TMEM156: variants seen among roughly 807,000 people sequenced by gnomAD.
TMEM156 encodes the protein transmembrane protein 156.
A neutral mutation model predicts 30.5 loss-of-function variants in TMEM156; 28 were observed. The observed-to-expected ratio is 0.92, with a 90% CI of 0.68 to 1.26. The LOEUF is 1.26. Ranked by LOEUF, TMEM156 falls within the 50% of genes most tolerant of loss-of-function variation. The pLI, the probability that TMEM156 is intolerant of heterozygous loss-of-function variation, is 0.00. For missense variants in TMEM156, 351 were observed against 340.6 expected (o/e 1.03, Z -0.24); for synonymous variants, 137 against 119.9 (o/e 1.14, Z -0.93).
rs571024191 is a variant in TMEM156 at position 39,005,956 on chromosome 4, T to C, written c.89-7047A>G. On this transcript the variant is annotated intron_variant, in intron 1 of 6. Coordinates refer to ENST00000381938, the MANE Select transcript of TMEM156 (RefSeq NM_024943.3). ...CTGTTGCCAGGCTGGAGTGCAGTGGTACGATCTCGGCTCACTGCAACCTCT... is the reference window on the plus strand; with the variant it reads ...CTGTTGCCAGGCTGGAGTGCAGTGGCACGATCTCGGCTCACTGCAACCTCT... Among the ~76,000 whole-genome samples, 128 of 152,110 alleles carry C rather than the reference T, an allele frequency of 8.4e-4. 4 individuals carry two copies. The highest frequency in any genetic ancestry group is 3.0e-3 in the African/African-American group (125 of 41,486).
intron 5 of TMEM156, among the ~76,000 whole-genome samples, chr4:38,983,607 C>T (rs1711742304): frequency 6.6e-6 from 1 of 152,034 alleles, no homozygotes; most frequent in Non-Finnish European, 1.5e-5. Context: ...ACTATATTGC[C>T]CAGGCTGGTC....
intron 4 of TMEM156, among the ~76,000 whole-genome samples, chr4:38,986,917 T>TGAAGAATA (rs1712047341): frequency 6.8e-6 from 1 of 146,662 alleles, no homozygotes; most frequent in African/African-American, 2.5e-5. Context: ...AGATATGATG[T>TGAAGAATA]GAAGAATATT....
chr4:38,970,095 A>G (rs557866595), intron 6 of TMEM156, among the ~76,000 whole-genome samples: 1 of 151,990 alleles, frequency 6.6e-6, no homozygotes, highest in South Asian at 2.1e-4. Context: ...CCCTTGACCA[A>G]ATGTCACAGC....
chr4:39,013,590 G>A (rs1331132874), intron 1 of TMEM156, among the ~76,000 whole-genome samples: 1 of 151,550 alleles, frequency 6.6e-6, no homozygotes, highest in Non-Finnish European at 1.5e-5. Flanking sequence ...TAATAGAGAC[G>A]GGGGTTTCAC....
At chr4:39,015,707 C>T (rs1198303058) in intron 1 of TMEM156, among the ~76,000 whole-genome samples, 3 of 152,142 alleles carry the variant, frequency 2.0e-5, no homozygotes, top group Admixed American at 1.3e-4. Context: ...GGCTGTGTCC[C>T]CACCCAAATC....
chr4:38,983,303 C>T (rs1711720074), intron 5 of TMEM156, among the ~76,000 whole-genome samples: 1 of 152,174 alleles, frequency 6.6e-6, no homozygotes, highest in Non-Finnish European at 1.5e-5. Flanking sequence ...TCATTTGCAT[C>T]CAACGATTCA....
intron 1 of TMEM156, among the ~76,000 whole-genome samples, chr4:39,022,999 C>T (rs550859139): frequency 1.2e-4 from 19 of 152,228 alleles, no homozygotes; most frequent in Non-Finnish European, 2.2e-4. Flanking sequence ...ATGGACTAAC[C>T]GTTTGTGTAC....
intron 1 of TMEM156, among the ~76,000 whole-genome samples, chr4:39,021,771 G>A (rs1188376549): frequency 6.6e-6 from 1 of 152,132 alleles, no homozygotes; most frequent in African/African-American, 2.4e-5. Context: ...TACAGTTTAG[G>A]TCTTCAAGTC....
chr4:38,991,751 C>T (rs1393022150), intron 3 of TMEM156, among the ~76,000 whole-genome samples: 2 of 151,932 alleles, frequency 1.3e-5, no homozygotes, highest in South Asian at 2.1e-4. Flanking sequence ...ATATAAAATA[C>T]AGTTAGGTGG....
At chr4:38,989,552 G>A (rs1420883894) in intron 3 of TMEM156, among the ~76,000 whole-genome samples, 1 of 152,204 alleles carries the variant, frequency 6.6e-6, no homozygotes, top group African/African-American at 2.4e-5. Context: ...CTAATTAAAC[G>A]TAGTTGCCCT....
chr4:39,011,932 A>T (rs1339614646), intron 1 of TMEM156, among the ~76,000 whole-genome samples: 2 of 152,148 alleles, frequency 1.3e-5, no homozygotes, highest in East Asian at 3.8e-4. Context: ...AACAAATACC[A>T]CATGTTCTCA....
rs1208893453 is a variant in TMEM156, at chr4:38,988,868, C to A, written c.722G>T (p.Arg241Ile). ...TIRKILEGQR[R>I]VQKWQSHRDK... ...ATACTTACTCTGCCACTTTTGCACTCTTCTCTGGCCTTCAAGTATTTTGCG... is the reference window on the plus strand; with the variant it reads ...ATACTTACTCTGCCACTTTTGCACTATTCTCTGGCCTTCAAGTATTTTGCG... The change falls in exon 4 of 7, where the codon AGA becomes ATA. Residue 241 changes from arginine (R) to isoleucine (I), a missense_variant. Arg to Ile is a moderately conservative substitution (Grantham distance 97). Transcript: ENST00000381938. The A allele has an allele frequency of 6.2e-7, 1 of 1,613,936 alleles. No individual in the cohort carries two copies. The highest frequency in any genetic ancestry group is 8.5e-7 in the Non-Finnish European group (1 of 1,179,980).
At chr4:39,004,252 C>T (rs996770140) in intron 1 of TMEM156, among the ~76,000 whole-genome samples, 1 of 152,068 alleles carries the variant, frequency 6.6e-6, no homozygotes, top group Non-Finnish European at 1.5e-5. Flanking sequence ...AGAGGAAGTA[C>T]ATAGAATACT....
At chr4:39,021,996 G>A (rs755997540) in intron 1 of TMEM156, among the ~76,000 whole-genome samples, 108 of 152,172 alleles carry the variant, frequency 7.1e-4, no homozygotes, top group Admixed American at 1.6e-3. Flanking sequence ...GAGTCTTCAC[G>A]TGTTTTATCA....
At chr4:38,968,615 G>T (rs1722454212) in intron 6 of TMEM156, among the ~76,000 whole-genome samples, 1 of 152,134 alleles carries the variant, frequency 6.6e-6, no homozygotes, top group Admixed American at 6.6e-5. Context: ...AGAATGAGAG[G>T]TCTCGAGCAT....
chr4:38,988,935 A>C lies in TMEM156; in HGVS notation c.655T>G (p.Leu219Val). The C allele has an allele frequency of 6.2e-7, 1 of 1,612,672 alleles. No individual in the cohort carries two copies. Among genetic ancestry groups the C allele is most frequent in the Non-Finnish European group, 8.5e-7 (1 of 1,178,822 alleles). Reference sequence around the variant, plus strand: ...AAAAATATAAAAACTAATAGAACTAAAATATACCAAGTGATCTTCATGGAA... The same window carrying C: ...AAAAATATAAAAACTAATAGAACTACAATATACCAAGTGATCTTCATGGAA... ...TCSMKITWYI[L>V]VLLVFIFLII... Residue 219 changes from leucine (L) to valine (V), a missense_variant, in exon 4 of 7, where the codon TTA (leucine) becomes GTA (valine). By Grantham distance (32) the Leu-to-Val change is conservative (BLOSUM62 1). Transcript: ENST00000381938.
In TMEM156 at chr4:38,998,669, T is replaced by C. The variant is rs1256312963; in HGVS notation, c.329A>G (p.Asp110Gly). 2 of 1,612,284 alleles carry C rather than the reference T, an allele frequency of 1.2e-6. No homozygotes were observed. Among genetic ancestry groups the C allele is most frequent in the South Asian group, 1.1e-5 (1 of 90,806 alleles). ...CLVCESKGNMDFISQEQTSKV... is the reference protein window; with the variant it reads ...CLVCESKGNMGFISQEQTSKV... ...TGATGTTTGTTCCTGAGAAATAAAA[T>C]CCATGTTTCCTTTAGACTCACAAAC... The change falls in exon 2 of 7, where the codon GAT becomes GGT. Residue 110 changes from aspartate (D) to glycine (G), a missense_variant. Coordinates refer to ENST00000381938, the MANE Select transcript of TMEM156 (RefSeq NM_024943.3).
chr4:39,009,713 G>A (rs1713985391), intron 1 of TMEM156, among the ~76,000 whole-genome samples: 1 of 151,976 alleles, frequency 6.6e-6, no homozygotes, highest in Non-Finnish European at 1.5e-5. Flanking sequence ...CATGATAAAA[G>A]CCCTCAACAA....
intron 1 of TMEM156, among the ~76,000 whole-genome samples, chr4:38,999,256 G>A (rs752326159): frequency 6.6e-6 from 1 of 151,754 alleles, no homozygotes; most frequent in Non-Finnish European, 1.5e-5. Context: ...AGCTGTGACT[G>A]CAGGGGCATG....
Sources: allele counts gnomAD v4.1 joint callset (sites outside exome capture counted in the v4.1 genomes callset), GRCh38; gene constraint gnomAD v4.1.1; transcripts MANE v1.5; gene names NCBI Gene and HGNC (gene_info 2026-07-23, HGNC 2026-07-21).